The following RAP1A variants were observed in gnomAD, a reference collection of about 807,000 sequenced individuals.
RAP1A encodes ras-related protein Rap-1A.
Under a neutral mutation model 26.4 loss-of-function variants are expected in RAP1A, and 6 were observed. The ratio of observed to expected loss-of-function variants is 0.23; its 90% CI spans 0.12 to 0.45. RAP1A has a LOEUF of 0.45. Ranked by LOEUF, RAP1A falls within the 20% of genes least tolerant of loss-of-function variation. The pLI is 0.99. For synonymous variants in RAP1A, 73 were observed against 79.4 expected (o/e 0.92, Z 0.43); for missense variants, 121 against 217.2 (o/e 0.56, Z 2.78).
intron 1 of RAP1A, among the ~76,000 whole-genome samples, chr1:111,661,793 C>T (rs1394858515): frequency 4.2e-5 from 6 of 143,668 alleles, no homozygotes; most frequent in Admixed American, 1.4e-4. Flanking sequence ...AACGAAACTC[C>T]GTCCCAGAAA....
chr1:111,650,793 T>C (rs1334297153), intron 1 of RAP1A, among the ~76,000 whole-genome samples: 2 of 152,050 alleles, frequency 1.3e-5, no homozygotes, highest in African/African-American at 4.8e-5. Context: ...GTCCACCTTA[T>C]AGTTTCTTTC....
At chr1:111,617,713 T>C (rs996924134), upstream of RAP1A, among the ~76,000 whole-genome samples, 2 of 148,042 alleles carry the variant, frequency 1.4e-5, no homozygotes, top group Non-Finnish European at 3.0e-5. Context: ...GGATTACAGG[T>C]GTGAGCCACC....
At chr1:111,604,076 G>C (rs1242926560) in intron 1 of RAP1A, among the ~76,000 whole-genome samples, 1 of 152,218 alleles carries the variant, frequency 6.6e-6, no homozygotes, top group Non-Finnish European at 1.5e-5. Context: ...AGTGGGCCTT[G>C]GTGTCTCTGA....
At position 111,553,649 on chromosome 1, in the gene RAP1A, A is replaced by G. The variant is rs1327967888; in HGVS notation, c.-28+11140A>G. Among the ~76,000 whole-genome samples the G allele has an allele frequency of 3.9e-5, 6 of 152,174 alleles. No individual in the cohort carries two copies. The East Asian group carries it at 5.8e-4, about 15-fold the overall frequency. On this transcript the variant is annotated intron_variant, in intron 1 of 7. Coordinates refer to the RAP1A transcript ENST00000356415. The stretch of plus-strand genomic sequence containing the variant: ...TTCCTACCTACTCAGCTGAATATCT[A>G]TTTCTTCTTGAAGAAGACTTTCTGC...
At chr1:111,576,844 G>A (rs1490276721) in intron 1 of RAP1A, among the ~76,000 whole-genome samples, 1 of 152,214 alleles carries the variant, frequency 6.6e-6, no homozygotes, top group East Asian at 1.9e-4. Context: ...TAGGAAGCGG[G>A]AGTATGGAGA....
At chr1:111,578,196 A>C (rs1658182282) in intron 1 of RAP1A, among the ~76,000 whole-genome samples, 5 of 151,766 alleles carry the variant, frequency 3.3e-5, no homozygotes, top group Admixed American at 3.3e-4. Context: ...GTGTGTGGGC[A>C]CTCGGTGGAA....
chr1:111,626,578 A>T (rs777066202), intron 1 of RAP1A, among the ~76,000 whole-genome samples: 18 of 152,244 alleles, frequency 1.2e-4, no homozygotes, highest in Non-Finnish European at 2.5e-4. Flanking sequence ...AGAAATGTGC[A>T]AATAGCATGC....
intron 1 of RAP1A, among the ~76,000 whole-genome samples, chr1:111,620,406 T>C (rs1659155679): frequency 6.8e-6 from 1 of 148,082 alleles, no homozygotes; most frequent in African/African-American, 2.5e-5. Flanking sequence ...AGAGCTTCCT[T>C]CAAACCCAGC....
chr1:111,594,428 C>T (rs560816278), intron 1 of RAP1A, among the ~76,000 whole-genome samples: 1 of 151,584 alleles, frequency 6.6e-6, no homozygotes, highest in African/African-American at 2.4e-5. Context: ...TGCAGTGAGC[C>T]GTGATCATGC....
chr1:111,716,011 A>T lies in RAP1A; in HGVS notation c.*3610A>T, dbSNP rs953630684. Reference sequence around the variant, plus strand: ...CAGAATGCTAGAAAACATAAAATATACTCTTATAAATTGTATGTGTGTTGA... The same window carrying T: ...CAGAATGCTAGAAAACATAAAATATTCTCTTATAAATTGTATGTGTGTTGA... On this transcript the variant is annotated 3_prime_UTR_variant, in exon 8 of 8. Transcript: ENST00000369709. 17 of 152,214 alleles carry T rather than the reference A, an allele frequency of 1.1e-4. No individual in the cohort carries two copies. Among genetic ancestry groups the T allele is most frequent in the African/African-American group, 4.1e-4 (17 of 41,460 alleles). 9.4% of individuals were successfully genotyped at this position (152,214 alleles called of 1,614,324 possible).
intron 1 of RAP1A, among the ~76,000 whole-genome samples, chr1:111,556,041 G>A (rs116038325): frequency 0.026 from 3,948 of 152,104 alleles, 153 homozygotes; most frequent in African/African-American, 0.09. Context: ...TATATAAAAC[G>A]CACAAGAAAC....
chr1:111,610,917 C>T (rs11102314), intron 1 of RAP1A, among the ~76,000 whole-genome samples: 22,839 of 152,104 alleles, frequency 0.15, 1,830 homozygotes, highest in African/African-American at 0.2. Context: ...TTTATAAATG[C>T]GAAAGCAAAT....
intron 1 of RAP1A, among the ~76,000 whole-genome samples, chr1:111,632,225 CTT>C (rs11314521): frequency 0.13 from 19,652 of 145,666 alleles, 1,557 homozygotes; most frequent in South Asian, 0.18. Flanking sequence ...TAAATGAGGG[CTT>C]TTTTTTTTTT....
chr1:111,671,418 C>G (rs2101183047), intron 1 of RAP1A, among the ~76,000 whole-genome samples: 1 of 152,256 alleles, frequency 6.6e-6, no homozygotes, highest in Admixed American at 6.5e-5. Context: ...AACACAAAAT[C>G]AGCTATTCAT....
chr1:111,674,765 G>C (rs992978667), intron 1 of RAP1A, among the ~76,000 whole-genome samples: 25 of 152,022 alleles, frequency 1.6e-4, no homozygotes, highest in African/African-American at 6.0e-4. Context: ...CAGTTATGGA[G>C]TCCTGTCAGT....
In RAP1A at chr1:111,651,439, A is replaced by T. The variant is rs754154017; in HGVS notation, c.-28+31505A>T. On this transcript the variant is annotated intron_variant, in intron 1 of 7. Coordinates refer to ENST00000369709, the MANE Select transcript of RAP1A (RefSeq NM_002884.4). ...ATCACTTAAAAAACCAGTACCCTTT[A>T]TATTGCATAATGCCTATGGGAGATA... Among the ~76,000 whole-genome samples, 190 of 147,036 alleles carry T rather than the reference A, an allele frequency of 1.3e-3. 1 individual carries two copies. The highest frequency in any genetic ancestry group is 4.2e-4 in the Non-Finnish European group (28 of 66,580).
At chr1:111,694,250 TA>T (rs1661763416) in intron 2 of RAP1A, among the ~76,000 whole-genome samples, 1 of 152,214 alleles carries the variant, frequency 6.6e-6, no homozygotes, top group Admixed American at 6.5e-5. Flanking sequence ...AAATCCTTGA[TA>T]AAAATCATGA....
chr1:111,574,047 A>G (rs968998041), intron 1 of RAP1A, among the ~76,000 whole-genome samples: 3 of 152,184 alleles, frequency 2.0e-5, no homozygotes, highest in Non-Finnish European at 4.4e-5. Context: ...TATGTCCAAA[A>G]TGATATTGCC....
intron 1 of RAP1A, among the ~76,000 whole-genome samples, chr1:111,633,248 C>T (rs186986780): frequency 4.9e-4 from 74 of 152,322 alleles, no homozygotes; most frequent in Non-Finnish European, 9.4e-4. Flanking sequence ...CAGCTTTAGA[C>T]TGCCCTATTG....
Sources: allele counts gnomAD v4.1 joint callset (sites outside exome capture counted in the v4.1 genomes callset), GRCh38; gene constraint gnomAD v4.1.1; transcripts MANE v1.5; gene names NCBI Gene and HGNC (gene_info 2026-07-23, HGNC 2026-07-21).